MAP3K9: variants seen among roughly 807,000 people sequenced by gnomAD.
MAP3K9 encodes the protein mixed lineage kinase 1 (tyr and ser/thr specificity).
In MAP3K9, 46 loss-of-function variants were observed where a neutral mutation model predicts 95.8. The ratio of observed to expected loss-of-function variants is 0.48; its 90% CI spans 0.38 to 0.61. The LOEUF is 0.61. MAP3K9 is among the 20% of genes least tolerant of loss of function. MAP3K9 has a pLI of 0.00. For synonymous variants in MAP3K9, 533 were observed against 593.8 expected (o/e 0.90, Z 1.49); for missense variants, 1,296 against 1,474.3 (o/e 0.88, Z 1.98).
chr14:70,778,353 T>C (rs2139819765), intron 2 of MAP3K9, among the ~76,000 whole-genome samples: 1 of 151,602 alleles, frequency 6.6e-6, no homozygotes, highest in East Asian at 1.9e-4. Context: ...CTCTGCTCAC[T>C]GCAACTCCGT....
intron 1 of MAP3K9, among the ~76,000 whole-genome samples, chr14:70,807,925 G>A (rs2055007892): frequency 6.6e-6 from 1 of 152,210 alleles, no homozygotes; most frequent in Non-Finnish European, 1.5e-5. Context: ...AGGGACCCCT[G>A]AGCATGGTCC....
At position 70,809,079 on chromosome 14, in the gene MAP3K9, C is replaced by G; in HGVS notation, c.93G>C (p.Glu31Asp). 1 of 1,439,158 alleles carries G rather than the reference C, an allele frequency of 6.9e-7. No individual in the cohort carries two copies. The highest frequency in any genetic ancestry group is 9.1e-7 in the Non-Finnish European group (1 of 1,103,318). The allele number at this position is 1,439,158 out of a possible 1,614,324, so 89.1% of individuals were successfully genotyped here. Reference protein sequence around the residue: ...GEDGAGAGAEEEEEEEEEAAA... With the variant: ...GEDGAGAGAEDEEEEEEEAAA... ...CCGCCTCCTCCTCCTCCTCCTCCTC[C>G]TCCTCGGCCCCGGCCCCTGCTCCAT... Residue 31 changes from glutamate (E) to aspartate (D), a missense_variant, in exon 1 of 12, where the codon GAG becomes GAC. Physicochemically the swap from Glu to Asp is conservative, Grantham distance 45 (BLOSUM62 2). This residue lies in a region of MAP3K9 where 338 missense variants were observed against 363.4 expected (regional missense o/e 0.93). Transcript: ENST00000554752.
At chr14:70,762,599 G>C (rs1490256246) in intron 2 of MAP3K9, among the ~76,000 whole-genome samples, 1 of 152,096 alleles carries the variant, frequency 6.6e-6, no homozygotes, top group Non-Finnish European at 1.5e-5. Flanking sequence ...TAAGTGGTTT[G>C]TCTTTTTATT....
intron 1 of MAP3K9, among the ~76,000 whole-genome samples, chr14:70,807,452 T>C (rs1046091915): frequency 6.6e-6 from 1 of 152,094 alleles, no homozygotes; most frequent in Non-Finnish European, 1.5e-5. Flanking sequence ...ATTGCACCAC[T>C]GAACTCCAAC....
Position 70,727,699 on chromosome 14 carries a change from A to T in MAP3K9, c.*2681T>A, listed in dbSNP as rs2053837613. ...AGACCAGGTGTGTAGGAGCTGAGAG[A>T]TGGTAACTGTTCCTTCTTCATGGAT... is the stretch of plus-strand genomic sequence containing the variant. On this transcript the variant is annotated 3_prime_UTR_variant, in exon 12 of 12. Coordinates refer to ENST00000554752, the MANE Select transcript of MAP3K9 (RefSeq NM_001284230.2). The T allele has an allele frequency of 6.6e-6, 1 of 152,234 alleles. No individual in the cohort carries two copies. The highest frequency in any genetic ancestry group is 2.1e-4 in the South Asian group (1 of 4,824). The allele number at this position is 152,234 out of a possible 1,614,324, so 9.4% of individuals were successfully genotyped here. A position where few individuals can be genotyped will look rare whatever the true frequency, so the allele number is the denominator to read the frequency against.
intron 2 of MAP3K9, among the ~76,000 whole-genome samples, chr14:70,771,923 G>A (rs1390201682): frequency 6.6e-6 from 1 of 152,236 alleles, no homozygotes; most frequent in African/African-American, 2.4e-5. Context: ...AGCAAGAGCT[G>A]CATGAGAGAG....
At chr14:70,775,107 ATT>A (rs1407891227) in intron 2 of MAP3K9, among the ~76,000 whole-genome samples, 3 of 151,608 alleles carry the variant, frequency 2.0e-5, no homozygotes, top group African/African-American at 7.3e-5. Flanking sequence ...CACTTTCATC[ATT>A]GTCGAAATCC....
At position 70,733,737 on chromosome 14, in the gene MAP3K9, G is replaced by A. The variant is rs779035511; in HGVS notation, c.2027-395C>T. ...GGGAGACTAAGATGGGAGTCAGGGGGCAGGGAGAGGAAGACCCACCTTCAA... is the reference window on the plus strand; with the variant it reads ...GGGAGACTAAGATGGGAGTCAGGGGACAGGGAGAGGAAGACCCACCTTCAA... On this transcript the variant is annotated intron_variant, in intron 10 of 11. Transcript: ENST00000554752. The A allele has an allele frequency of 8.4e-6, 6 of 718,388 alleles. No individual in the cohort carries two copies. In the African/African-American group the frequency reaches 1.0e-4, roughly 13 times the overall value. 44.5% of individuals were successfully genotyped at this position (718,388 alleles called of 1,614,324 possible).
Position 70,727,733 on chromosome 14 carries a change from T to G in MAP3K9, c.*2647A>C, listed in dbSNP as rs1488905813. 6.6e-6 allele frequency: 1 copy of G among 152,282 alleles called. No individual in the cohort carries two copies. Among genetic ancestry groups the G allele is most frequent in the African/African-American group, 2.4e-5 (1 of 41,454 alleles). The allele number at this position is 152,282 out of a possible 1,614,324, so 9.4% of individuals were successfully genotyped here. On this transcript the variant is annotated 3_prime_UTR_variant, in exon 12 of 12. Transcript: ENST00000554752. ...GTTCCTTCTTCATGGATGCTCACAG[T>G]AGCACCTTTGGATAGCCCTGCTTTT...
rs564388095 is a variant in MAP3K9 at position 70,780,238 on chromosome 14, C to G, written c.821-19056G>C. Reference sequence around the variant, plus strand: ...CCATGCCTGCCGCATGACTTAACAGCATGAGGTGTGGATTTCTGCTGCCTT... The same window carrying G: ...CCATGCCTGCCGCATGACTTAACAGGATGAGGTGTGGATTTCTGCTGCCTT... On this transcript the variant is annotated intron_variant, in intron 2 of 11. Coordinates refer to ENST00000554752, the MANE Select transcript of MAP3K9 (RefSeq NM_001284230.2). 4.6e-5 allele frequency among the ~76,000 whole-genome samples: 7 copies of G among 152,320 alleles called. No individual in the cohort carries two copies. The East Asian group carries it at 1.4e-3, about 29-fold the overall frequency.
Position 70,732,401 on chromosome 14 carries a change from C to A in MAP3K9, c.2830+138G>T, listed in dbSNP as rs1243640286. On this transcript the variant is annotated intron_variant, in intron 11 of 11. Coordinates refer to ENST00000554752, the MANE Select transcript of MAP3K9 (RefSeq NM_001284230.2). ...CCTGGCTGCCTCCCTGATCCCAGATCTGTATTTCTTGATTGGCTAAGAGGA... is the reference window on the plus strand; with the variant it reads ...CCTGGCTGCCTCCCTGATCCCAGATATGTATTTCTTGATTGGCTAAGAGGA... The A allele has an allele frequency of 3.8e-6, 5 of 1,318,474 alleles. No individual in the cohort carries two copies. The African/African-American group carries it at 7.5e-5, about 20-fold the overall frequency. 81.7% of individuals were successfully genotyped at this position (1,318,474 alleles called of 1,614,324 possible).
intron 3 of MAP3K9, among the ~76,000 whole-genome samples, chr14:70,751,645 G>A (rs1448017247): frequency 6.6e-6 from 1 of 152,176 alleles, no homozygotes; most frequent in East Asian, 1.9e-4. Flanking sequence ...CTTGAATCTA[G>A]GAGGCGAAGG....
chr14:70,761,150 G>A lies in MAP3K9; in HGVS notation c.853C>T (p.Leu285=), dbSNP rs557062833. Residue 285 remains leucine, a synonymous_variant, in exon 3 of 12, where the codon CTG becomes TTG. Transcript: ENST00000554752. The part of the protein sequence containing the change: ...LILQKVENGD[L]SNKILKITDF... ...GTGATCTTCAGAATCTTGTTGCTCA[G>A]GTCTCCATTCTCCACCTTCTGGAGG... The A allele has an allele frequency of 8.1e-6, 13 of 1,613,808 alleles. No homozygotes were observed. The highest frequency in any genetic ancestry group is 1.3e-5 in the African/African-American group (1 of 74,878).
chr14:70,795,128 G>A (rs577630365), intron 2 of MAP3K9, among the ~76,000 whole-genome samples: 29 of 150,878 alleles, frequency 1.9e-4, no homozygotes, highest in African/African-American at 7.1e-4. Flanking sequence ...TGAGTAGCTG[G>A]GACTACAGGC....
chr14:70,759,417 G>A (rs2054340092), intron 3 of MAP3K9, among the ~76,000 whole-genome samples: 1 of 152,096 alleles, frequency 6.6e-6, no homozygotes, highest in African/African-American at 2.4e-5. Context: ...ACTCCAGCCT[G>A]GGCAACAGAG....
intron 2 of MAP3K9, among the ~76,000 whole-genome samples, chr14:70,798,467 A>G (rs1201591114): frequency 2.5e-5 from 2 of 80,220 alleles, no homozygotes; most frequent in Non-Finnish European, 5.4e-5. Flanking sequence ...AGAGGTCACC[A>G]AAAGTTTTTT....
intron 2 of MAP3K9, among the ~76,000 whole-genome samples, chr14:70,769,736 C>T (rs566008041): frequency 6.6e-6 from 1 of 152,306 alleles, no homozygotes; most frequent in South Asian, 2.1e-4. Context: ...GCCATCTTCC[C>T]TTTGTGTATC....
At chr14:70,801,787 T>C (rs1030673936) in intron 1 of MAP3K9, among the ~76,000 whole-genome samples, 1 of 150,750 alleles carries the variant, frequency 6.6e-6, no homozygotes, top group Non-Finnish European at 1.5e-5. Flanking sequence ...CCCTAAAGAG[T>C]GAGTGGGAGA....
intron 8 of MAP3K9, 59 bp from the exon 9 acceptor site, chr14:70,736,088 T>C (rs1267837762): frequency 3.5e-6 from 4 of 1,147,946 alleles, no homozygotes; most frequent in Middle Eastern, 3.9e-4. Flanking sequence ...GCTCAGCCTC[T>C]CCCACACCAA....
Sources: allele counts gnomAD v4.1 joint callset (sites outside exome capture counted in the v4.1 genomes callset), GRCh38; gene constraint gnomAD v4.1.1; regional missense constraint gnomAD v4.1.1; transcripts MANE v1.5; gene names NCBI Gene and HGNC (gene_info 2026-07-23, HGNC 2026-07-21).